GALC: variants seen among roughly 807,000 people sequenced by gnomAD.
GALC encodes galactocerebrosidase.
A neutral mutation model predicts 91.8 loss-of-function variants in GALC; 77 were observed. The observed-to-expected ratio is 0.84, with a 90% confidence interval of 0.70 to 1.01. The LOEUF (loss-of-function observed/expected upper bound fraction) is 1.01. GALC is among the 50% of genes least tolerant of loss of function. The pLI, the probability that GALC is intolerant of heterozygous loss-of-function variation, is 0.00. For missense variants in GALC, 882 were observed against 855.9 expected (o/e 1.03, Z -0.38); for synonymous variants, 357 against 306.7 (o/e 1.16, Z -1.71).
chr14:87,991,349 C>T (rs1262949319), intron 1 of GALC, among the ~76,000 whole-genome samples: 1 of 152,100 alleles, frequency 6.6e-6, no homozygotes, highest in African/African-American at 2.4e-5. Context: ...ACTACAGGCG[C>T]GTGCTACCAA....
intron 14 of GALC, among the ~76,000 whole-genome samples, chr14:87,943,822 G>T (rs1484286513): frequency 6.8e-6 from 1 of 146,516 alleles, no homozygotes; most frequent in African/African-American, 2.5e-5. Context: ...AGATCTGGCT[G>T]CCTCAAATAG....
intron 7 of GALC, among the ~76,000 whole-genome samples, chr14:87,970,643 G>A (rs1238659090): frequency 2.0e-5 from 3 of 151,168 alleles, no homozygotes; most frequent in Non-Finnish European, 2.9e-5. Context: ...GGCGGATCAC[G>A]AGGTCAGGAG....
intron 6 of GALC, among the ~76,000 whole-genome samples, chr14:87,977,020 A>G (rs1198695190): frequency 1.6e-5 from 2 of 128,848 alleles, no homozygotes; most frequent in African/African-American, 6.3e-5. Context: ...ATTACGTTTA[A>G]CCATAGAAAT....
rs370579937 is a variant in GALC at position 87,941,356 on chromosome 14, A to C, written c.1834+39T>G. ...GTAGGTGCTCAAAGTAACATAGCCC[A>C]TAAGTCATATGCTATTAAAAAAAAA... On this transcript the variant is annotated intron_variant, in intron 15 of 16. Transcript: ENST00000261304. 9 of 1,273,272 alleles carry C rather than the reference A, an allele frequency of 7.1e-6. No homozygotes were observed. The South Asian group carries it at 9.8e-5, about 14-fold the overall frequency. 78.9% of individuals were successfully genotyped at this position (1,273,272 alleles called of 1,614,324 possible). A position where few individuals can be genotyped will look rare whatever the true frequency, so the allele number is the denominator to read the frequency against.
chr14:87,951,942 A>G (rs1326084666), intron 10 of GALC, among the ~76,000 whole-genome samples: 1 of 151,868 alleles, frequency 6.6e-6, no homozygotes. Flanking sequence ...CAAATTTTAA[A>G]AGATTACAAA....
At chr14:87,939,736 C>T (rs554463935) in intron 16 of GALC, among the ~76,000 whole-genome samples, 169 bp downstream of exon 16, 1 of 151,932 alleles carries the variant, frequency 6.6e-6, no homozygotes, top group East Asian at 1.9e-4. Flanking sequence ...ATAGGTTACC[C>T]TCACACATGT....
At chr14:87,977,862 C>T (rs1226983449) in intron 6 of GALC, among the ~76,000 whole-genome samples, 2 of 152,050 alleles carry the variant, frequency 1.3e-5, no homozygotes, top group African/African-American at 2.4e-5. Flanking sequence ...TTTTAGAAAA[C>T]GGGGTGAAAA....
intron 1 of GALC, chr14:87,992,630 A>G (rs1887253374): frequency 4.8e-6 from 7 of 1,448,810 alleles, no homozygotes; most frequent in Non-Finnish European, 6.3e-6. Flanking sequence ...CATCTCCGCG[A>G]TGAAGACAGC....
intron 14 of GALC, among the ~76,000 whole-genome samples, chr14:87,943,023 G>A (rs757017459): frequency 8.6e-5 from 13 of 151,990 alleles, no homozygotes; most frequent in Non-Finnish European, 1.6e-4. Context: ...ATTCTATTTA[G>A]AGTTGGAATG....
At position 87,976,465 on chromosome 14, in the gene GALC, A is replaced by G. The variant is rs1345934268; in HGVS notation, c.645T>C (p.Tyr215=). 3.1e-6 allele frequency: 5 copies of G among 1,612,744 alleles called. No individual in the cohort carries two copies. Among genetic ancestry groups the G allele is most frequent in the Non-Finnish European group, 4.2e-6 (5 of 1,178,864 alleles). Residue 215 remains tyrosine, a synonymous_variant, in exon 7 of 17, where the codon TAT becomes TAC. Coordinates refer to ENST00000261304, the MANE Select transcript of GALC (RefSeq NM_000153.4). ...TGATTTTCACTCGCTGGAGACCTTG[A>G]TAATTCAGCATTTTTCTTAATATCT... ...YIKILRKMLN[Y]QGLQRVKIIA... is the part of the protein sequence containing the mutation.
chr14:87,936,913 T>TC (rs57995994), intron 16 of GALC, among the ~76,000 whole-genome samples: 1 of 122,482 alleles, frequency 8.2e-6, no homozygotes, highest in African/African-American at 3.3e-5. Flanking sequence ...TATATATATA[T>TC]TTATTTATTT....
intron 12 of GALC, 96 bp from the exon 13 acceptor site, chr14:87,947,974 C>A (rs1309002125): frequency 4.6e-6 from 5 of 1,079,740 alleles, no homozygotes; most frequent in Non-Finnish European, 6.9e-6. Context: ...AAGAAAAGTC[C>A]AAATCATTTC....
chr14:87,974,216 TAAAAG>T (rs55706820), intron 7 of GALC, among the ~76,000 whole-genome samples: 17,160 of 152,022 alleles, frequency 0.11, 1,129 homozygotes, highest in Non-Finnish European at 0.16. Flanking sequence ...GCAATGCACA[TAAAAG>T]AAAACGGCCT....
intron 7 of GALC, among the ~76,000 whole-genome samples, chr14:87,971,218 A>G (rs114946819): frequency 0.016 from 2,458 of 152,216 alleles, 68 homozygotes; most frequent in African/African-American, 0.056. Context: ...GCCTCGCAGC[A>G]TCAGAAATGG....
chr14:87,953,430 T>C (rs371438865), intron 10 of GALC: 21 of 1,493,940 alleles, frequency 1.4e-5, no homozygotes, highest in African/African-American at 9.7e-5. Flanking sequence ...TTGAACATTT[T>C]AGTCCTGTTT....
At chr14:87,950,927 G>T (rs1885281560) in intron 10 of GALC, among the ~76,000 whole-genome samples, 179 bp from the exon 11 acceptor site, 1 of 151,418 alleles carries the variant, frequency 6.6e-6, no homozygotes, top group Admixed American at 6.6e-5. Flanking sequence ...AATGTGTATT[G>T]TATGTTCCTA....
At chr14:87,961,758 T>C (rs1885816359) in intron 10 of GALC, among the ~76,000 whole-genome samples, 1 of 152,120 alleles carries the variant, frequency 6.6e-6, no homozygotes, top group Non-Finnish European at 1.5e-5. Flanking sequence ...AGCCTGCAGA[T>C]GAGATCCTGA....
intron 1 of GALC, among the ~76,000 whole-genome samples, chr14:87,991,671 G>C (rs1887207207): frequency 6.6e-6 from 1 of 152,194 alleles, no homozygotes. Context: ...TCATTATTTA[G>C]TGAGTTCCTA....
At chr14:87,954,111 C>G in intron 10 of GALC, 1 of 1,609,342 alleles carries the variant, frequency 6.2e-7, no homozygotes, top group South Asian at 1.1e-5. Flanking sequence ...ATCTATTCAG[C>G]CTGAAGAATA....
Sources: allele counts gnomAD v4.1 joint callset (sites outside exome capture counted in the v4.1 genomes callset), GRCh38; gene constraint gnomAD v4.1.1; transcripts MANE v1.5; gene names NCBI Gene and HGNC (gene_info 2026-07-23, HGNC 2026-07-21).